Variants in SEL1L observed in about 807,000 individuals in gnomAD.
SEL1L encodes SEL1L adaptor subunit of SYVN1 ubiquitin ligase, also known as protein sel-1 homolog 1.
SEL1L carries 52 observed loss-of-function variants against 109.8 expected under a neutral mutation model. The observed-to-expected ratio is 0.47, with a 90% CI of 0.38 to 0.60. The LOEUF is 0.60. SEL1L is among the 20% of genes least tolerant of loss of function. The probability of loss-of-function intolerance (pLI) is 0.00; values close to 1 mark genes in which losing one functional copy is unlikely to be tolerated. For missense variants in SEL1L, 749 were observed against 962.2 expected, an observed-to-expected ratio of 0.78 and a Z score of 2.93; for synonymous variants, 373 against 339.6, an observed-to-expected ratio of 1.10 and a Z score of -1.08.
chr14:81,477,264 T>G (rs751170402), intron 20 of SEL1L, 83 bp from the exon 21 acceptor site: 68 of 1,086,914 alleles, frequency 6.3e-5, no homozygotes, highest in Non-Finnish European at 9.1e-5. Flanking sequence ...CAGAAGTAAG[T>G]ACAGAAATTA....
In SEL1L at chr14:81,507,528, T is replaced by C. The variant is rs971596919; in HGVS notation, c.341-1287A>G. Among the ~76,000 whole-genome samples, 3 of 151,902 alleles carry C rather than the reference T, an allele frequency of 2.0e-5. 1 individual carries two copies. Among genetic ancestry groups the C allele is most frequent in the African/African-American group, 7.3e-5 (3 of 41,298 alleles). On this transcript the variant is annotated intron_variant, in intron 3 of 20. Transcript: ENST00000336735. ...GAATTCTAAAGGAGGAGTAGGTTACTGGGTAGGTACTGCTACATTCAAGGT... is the reference window on the plus strand; with the variant it reads ...GAATTCTAAAGGAGGAGTAGGTTACCGGGTAGGTACTGCTACATTCAAGGT...
chr14:81,522,989 AT>A (rs1387825164), intron 3 of SEL1L, among the ~76,000 whole-genome samples: 1 of 152,214 alleles, frequency 6.6e-6, no homozygotes, highest in African/African-American at 2.4e-5. Context: ...GCTGACATGT[AT>A]GTAAGAATCC....
At chr14:81,510,514 C>CTCTATATATATATATATATATATA (rs35474067) in intron 3 of SEL1L, among the ~76,000 whole-genome samples, 1 of 104,054 alleles carries the variant, frequency 9.6e-6, no homozygotes, top group Non-Finnish European at 2.0e-5. Context: ...CTCTCTCTCT[C>CTCTATATATATATATATATATATA]TATATATATA....
chr14:81,527,386 T>C (rs765784855), intron 2 of SEL1L, among the ~76,000 whole-genome samples: 2 of 151,826 alleles, frequency 1.3e-5, no homozygotes, highest in African/African-American at 2.4e-5. Flanking sequence ...ACTGGATTTA[T>C]TTTTGAGAAC....
intron 3 of SEL1L, among the ~76,000 whole-genome samples, chr14:81,524,447 T>C (rs1292382697): frequency 2.0e-5 from 3 of 152,182 alleles, no homozygotes; most frequent in Non-Finnish European, 2.9e-5. Flanking sequence ...TCCCAGTTTA[T>C]AGAATAAACA....
intron 9 of SEL1L, 59 bp from the exon 10 acceptor site, chr14:81,498,105 G>C (rs1446357453): frequency 9.1e-6 from 14 of 1,534,170 alleles, no homozygotes; most frequent in African/African-American, 1.4e-5. Context: ...GTTCCAGAGA[G>C]AGAGAAGTAC....
In SEL1L at chr14:81,476,956, C is replaced by G. The variant is rs188793434; in HGVS notation, c.*16G>C. On this transcript the variant is annotated 3_prime_UTR_variant, in exon 21 of 21. Transcript: ENST00000336735. ...CTTCCTTCGCTGTCACTGATCAAGG[C>G]TGGACCCAGTGCCTATTACTGTGGT... The G allele has an allele frequency of 4.6e-5, 74 of 1,613,706 alleles. No homozygotes were observed. In the East Asian group the frequency reaches 1.6e-3, roughly 36 times the overall value.
chr14:81,525,138 A>G (rs1350679827), intron 3 of SEL1L, among the ~76,000 whole-genome samples: 1 of 152,242 alleles, frequency 6.6e-6, no homozygotes, highest in Non-Finnish European at 1.5e-5. Context: ...AAAGAAAAAA[A>G]GGGCAAATGT....
intron 8 of SEL1L, 23 bp from the exon 9 acceptor site, chr14:81,498,517 G>A (rs1228868427): frequency 6.3e-7 from 1 of 1,578,354 alleles, no homozygotes; most frequent in South Asian, 1.1e-5. Flanking sequence ...TTCACGTGAG[G>A]AGGCAGCAGT....
Position 81,486,350 on chromosome 14 carries a change from G to A in SEL1L, c.1737C>T (p.Leu579=). The A allele has an allele frequency of 1.2e-6, 2 of 1,614,148 alleles. No homozygotes were observed. The highest frequency in any genetic ancestry group is 1.7e-6 in the Non-Finnish European group (2 of 1,180,004). Residue 579 remains leucine (L), a synonymous_variant, in exon 17 of 21, where the codon CTC becomes CTT. Coordinates refer to ENST00000336735, the MANE Select transcript of SEL1L (RefSeq NM_005065.6). ...GDYNAAVIQY[L]LLAEQGYEVA... Reference sequence around the variant, plus strand: ...CTTCATAGCCCTGTTCAGCCAGGAGGAGGTACTGGATCACTGCAGCATTGT... The same window carrying A: ...CTTCATAGCCCTGTTCAGCCAGGAGAAGGTACTGGATCACTGCAGCATTGT...
At chr14:81,498,603 A>G in intron 8 of SEL1L, 109 bp from the exon 9 acceptor site, 1 of 746,680 alleles carries the variant, frequency 1.3e-6, no homozygotes, top group Non-Finnish European at 2.3e-6. Context: ...CATTTGATCC[A>G]AGTACACTAA....
chr14:81,520,010 T>A (rs1345443246), intron 3 of SEL1L, among the ~76,000 whole-genome samples: 3 of 152,178 alleles, frequency 2.0e-5, no homozygotes, highest in Non-Finnish European at 2.9e-5. Context: ...TGGAGGCCTG[T>A]AAACAGGGGA....
At chr14:81,530,608 A>G (rs1183673942) in intron 1 of SEL1L, among the ~76,000 whole-genome samples, 3 of 152,222 alleles carry the variant, frequency 2.0e-5, no homozygotes, top group Non-Finnish European at 2.9e-5. Flanking sequence ...AAAAATAAGA[A>G]AGCATGCATT....
chr14:81,505,542 T>C (rs1473051542), intron 4 of SEL1L, among the ~76,000 whole-genome samples: 6 of 150,140 alleles, frequency 4.0e-5, no homozygotes, highest in Non-Finnish European at 7.4e-5. Flanking sequence ...ATTTAAGGGA[T>C]TATGTTCAAG....
intron 3 of SEL1L, among the ~76,000 whole-genome samples, chr14:81,518,620 AC>A (rs1372794751): frequency 1.3e-5 from 2 of 148,228 alleles, no homozygotes; most frequent in African/African-American, 5.1e-5. Flanking sequence ...AGATCATGCC[AC>A]TGCACTCCAA....
At chr14:81,493,015 C>A (rs1442780786) in intron 11 of SEL1L, among the ~76,000 whole-genome samples, 1 of 152,184 alleles carries the variant, frequency 6.6e-6, no homozygotes, top group Non-Finnish European at 1.5e-5. Context: ...GAGAAAAATT[C>A]TTGACCCTAC....
intron 7 of SEL1L, 23 bp downstream of exon 7, chr14:81,499,586 C>T (rs776779181): frequency 1.2e-6 from 2 of 1,609,010 alleles, no homozygotes; most frequent in Admixed American, 1.7e-5. Context: ...TTGTAATATG[C>T]AATAAAGTTT....
chr14:81,504,486 AAT>A (rs1555414529), intron 4 of SEL1L, among the ~76,000 whole-genome samples, 180 bp from the exon 5 acceptor site: 9 of 151,368 alleles, frequency 5.9e-5, no homozygotes, highest in African/African-American at 7.3e-5. Flanking sequence ...ACTTAAAAAA[AAT>A]ATATATATAT....
intron 4 of SEL1L, among the ~76,000 whole-genome samples, chr14:81,505,540 G>A (rs1410165541): frequency 1.3e-5 from 2 of 150,474 alleles, no homozygotes; most frequent in African/African-American, 2.5e-5. Context: ...GTATTTAAGG[G>A]ATTATGTTCA....
Sources: allele counts gnomAD v4.1 joint callset (sites outside exome capture counted in the v4.1 genomes callset), GRCh38; gene constraint gnomAD v4.1.1; transcripts MANE v1.5; gene names NCBI Gene and HGNC (gene_info 2026-07-23, HGNC 2026-07-21).